GABRG3: variants seen among roughly 807,000 people sequenced by gnomAD.
GABRG3 encodes the protein gamma-aminobutyric acid receptor subunit gamma-3.
A neutral mutation model predicts 48.8 loss-of-function variants in GABRG3; 25 were observed. That is an observed-to-expected ratio of 0.51 (90% CI 0.37 to 0.72). GABRG3 has a LOEUF of 0.72. Ranked by LOEUF, GABRG3 falls within the 30% of genes least tolerant of loss-of-function variation. The probability of loss-of-function intolerance (pLI) is 0.00; values close to 1 mark genes in which losing one functional copy is unlikely to be tolerated. For synonymous variants in GABRG3, 227 were observed against 217.6 expected (o/e 1.04, Z -0.38); for missense variants, 394 against 577.9 (o/e 0.68, Z 3.26).
intron 5 of GABRG3, among the ~76,000 whole-genome samples, chr15:27,353,612 T>C (rs1894723785): frequency 6.6e-6 from 1 of 151,714 alleles, no homozygotes; most frequent in Non-Finnish European, 1.5e-5. Flanking sequence ...TCTGGCTAAT[T>C]TTCATATTTT....
chr15:27,498,063 G>A (rs2150852417), intron 6 of GABRG3, among the ~76,000 whole-genome samples: 1 of 152,152 alleles, frequency 6.6e-6, no homozygotes, highest in Admixed American at 6.5e-5. Flanking sequence ...AATAAACTCA[G>A]GGAAGTCACT....
intron 3 of GABRG3, among the ~76,000 whole-genome samples, chr15:27,313,608 TAAG>T (rs1453301661): frequency 5.3e-5 from 8 of 151,508 alleles, no homozygotes; most frequent in Non-Finnish European, 1.2e-4. Flanking sequence ...CTCAACAAAT[TAAG>T]AAGAATGAAA....
At chr15:27,109,349 G>A (rs944727206) in intron 3 of GABRG3, among the ~76,000 whole-genome samples, 9 of 152,090 alleles carry the variant, frequency 5.9e-5, no homozygotes, top group Non-Finnish European at 1.2e-4. Context: ...GTTAACTTAA[G>A]TTTATAGTTT....
chr15:27,080,752 T>G lies in GABRG3; in HGVS notation c.270+53931T>G, dbSNP rs148431011. ...TTATGGCCCTCTGTCCACATTCTTCTACAGTGTGAGTTTCCAATCTCTCCC... is the reference window on the plus strand; with the variant it reads ...TTATGGCCCTCTGTCCACATTCTTCGACAGTGTGAGTTTCCAATCTCTCCC... On this transcript the variant is annotated intron_variant, in intron 3 of 9. Coordinates refer to ENST00000615808, the MANE Select transcript of GABRG3 (RefSeq NM_033223.5). Among the ~76,000 whole-genome samples, 456 of 152,372 alleles carry G rather than the reference T, an allele frequency of 3.0e-3. 2 individuals are homozygous for G. Among genetic ancestry groups the G allele is most frequent in the African/African-American group, 0.011 (443 of 41,592 alleles).
intron 3 of GABRG3, among the ~76,000 whole-genome samples, chr15:27,092,243 T>A (rs551084355): frequency 1.3e-5 from 2 of 152,314 alleles, no homozygotes; most frequent in South Asian, 2.1e-4. Flanking sequence ...GTTTTTGACT[T>A]CCTTTCTGAC....
At chr15:27,314,313 G>A (rs1296067875) in intron 3 of GABRG3, among the ~76,000 whole-genome samples, 1 of 152,102 alleles carries the variant, frequency 6.6e-6, no homozygotes, top group Non-Finnish European at 1.5e-5. Context: ...ATGAAAAGAT[G>A]TTCAATGTCA....
intron 6 of GABRG3, among the ~76,000 whole-genome samples, chr15:27,512,311 T>C (rs1181636467): frequency 1.3e-5 from 2 of 152,122 alleles, no homozygotes; most frequent in Non-Finnish European, 2.9e-5. Flanking sequence ...AATCTGAGCA[T>C]GTTTAATGCA....
At chr15:27,075,773 T>C (rs576396308) in intron 3 of GABRG3, among the ~76,000 whole-genome samples, 1 of 152,332 alleles carries the variant, frequency 6.6e-6, no homozygotes, top group South Asian at 2.1e-4. Context: ...GGTATCAGGA[T>C]GGCTCCCTGG....
Position 27,519,994 on chromosome 15 carries a change from A to G in GABRG3, c.735A>G (p.Ile245Met). 1 of 1,567,758 alleles carries G rather than the reference A, an allele frequency of 6.4e-7. No homozygotes were observed. Among genetic ancestry groups the G allele is most frequent in the Non-Finnish European group, 8.7e-7 (1 of 1,154,862 alleles). ...CAGGTGATTATGTTGTCATGACTATATATTTTGAATTGAGTAGAAGAATGG... is the reference window on the plus strand; with the variant it reads ...CAGGTGATTATGTTGTCATGACTATGTATTTTGAATTGAGTAGAAGAATGG... ...TSAGDYVVMTIYFELSRRMGY... is the reference protein window; with the variant it reads ...TSAGDYVVMTMYFELSRRMGY... The change falls in exon 7 of 10, where the codon ATA becomes ATG. Residue 245 changes from isoleucine (I) to methionine (M), a missense_variant. By Grantham distance (10) the Ile-to-Met change is conservative. Transcript: ENST00000615808.
intron 3 of GABRG3, among the ~76,000 whole-genome samples, chr15:27,077,215 G>T (rs1166414697): frequency 6.6e-6 from 1 of 152,200 alleles, no homozygotes; most frequent in African/African-American, 2.4e-5. Flanking sequence ...TGCATGCCCA[G>T]CCTCTCTGGG....
chr15:27,220,531 G>A (rs1021426302), intron 3 of GABRG3, among the ~76,000 whole-genome samples: 1 of 152,172 alleles, frequency 6.6e-6, no homozygotes, highest in African/African-American at 2.4e-5. Context: ...AACGTGGTCA[G>A]AATTCAGTCC....
intron 2 of GABRG3, among the ~76,000 whole-genome samples, chr15:26,996,979 C>T (rs373324979): frequency 2.0e-4 from 30 of 152,244 alleles, no homozygotes; most frequent in East Asian, 1.5e-3. Context: ...TAGCACCACA[C>T]ATCTCTCTGA....
At chr15:27,320,373 T>C (rs955511200) in intron 3 of GABRG3, among the ~76,000 whole-genome samples, 15 of 152,162 alleles carry the variant, frequency 9.9e-5, no homozygotes, top group Admixed American at 3.9e-4. Flanking sequence ...TGCACCCCGA[T>C]GTTATTGTCT....
At chr15:27,467,301 AT>A (rs1889643925) in intron 5 of GABRG3, among the ~76,000 whole-genome samples, 1 of 152,200 alleles carries the variant, frequency 6.6e-6, no homozygotes, top group African/African-American at 2.4e-5. Context: ...CCACCTTCAA[AT>A]ACCGTCACAC....
chr15:27,161,729 G>A (rs1887199275), intron 3 of GABRG3, among the ~76,000 whole-genome samples: 1 of 151,918 alleles, frequency 6.6e-6, no homozygotes, highest in African/African-American at 2.4e-5. Context: ...TATGAGGTAG[G>A]AGTTCAAGGT....
At chr15:27,478,733 G>T (rs1040832604) in intron 5 of GABRG3, among the ~76,000 whole-genome samples, 1 of 152,056 alleles carries the variant, frequency 6.6e-6, no homozygotes, top group African/African-American at 2.4e-5. Context: ...TGAAAAAATG[G>T]ACTCAACCAA....
At chr15:27,468,845 G>C (rs968480869) in intron 5 of GABRG3, among the ~76,000 whole-genome samples, 4 of 152,152 alleles carry the variant, frequency 2.6e-5, no homozygotes, top group African/African-American at 9.7e-5. Context: ...TGCTGTGGTT[G>C]TTAATATCTG....
chr15:27,265,724 G>A (rs1402419700), intron 3 of GABRG3, among the ~76,000 whole-genome samples: 1 of 152,104 alleles, frequency 6.6e-6, no homozygotes, highest in African/African-American at 2.4e-5. Flanking sequence ...TCAGTCTGCA[G>A]CTTGCCTTTT....
At position 26,974,677 on chromosome 15, in the gene GABRG3, C is replaced by T. The variant is rs1481870609; in HGVS notation, c.54-2325C>T. 6.6e-6 allele frequency among the ~76,000 whole-genome samples: 1 copy of T among 152,010 alleles called. No individual in the cohort carries two copies. Among genetic ancestry groups the T allele is most frequent in the Non-Finnish European group, 1.5e-5 (1 of 68,000 alleles). ...ATGAGCTACCGGCCTCTCCTCACTG[C>T]CCCAGATGCCCTTGCTGTGGAGTGA... On this transcript the variant is annotated intron_variant, in intron 1 of 9. Coordinates refer to ENST00000615808, the MANE Select transcript of GABRG3 (RefSeq NM_033223.5). This position sits in a 1 kb window ranked among gnomAD's most constrained non-coding sequence, Gnocchi z 4.3.
Sources: gnomAD v4.1 joint callset for allele counts (sites outside exome capture counted in the v4.1 genomes callset) on GRCh38, gnomAD v4.1.1 for gene constraint, Gnocchi (gnomAD v3.1) non-coding constraint, MANE v1.5 for transcripts, NCBI Gene and HGNC (gene_info 2026-07-23, HGNC 2026-07-21) for gene names.